The following SLC30A5 variants were observed in gnomAD, a reference collection of about 807,000 sequenced individuals.
SLC30A5 encodes the protein solute carrier family 30 member 5.
SLC30A5 carries 33 observed loss-of-function variants against 79.6 expected under a neutral mutation model. The observed-to-expected ratio is 0.41, with a 90% CI of 0.31 to 0.55. The LOEUF (loss-of-function observed/expected upper bound fraction) is 0.55, where lower values mean the gene tolerates loss of function less well. SLC30A5 is among the 20% of genes least tolerant of loss of function. SLC30A5 has a pLI of 0.20. For synonymous variants in SLC30A5, 299 were observed against 319.7 expected, an observed-to-expected ratio of 0.94 and a Z score of 0.69; for missense variants, 788 against 928.1, an observed-to-expected ratio of 0.85 and a Z score of 1.96.
intron 12 of SLC30A5, among the ~76,000 whole-genome samples, chr5:69,120,356 C>A (rs1489077117): frequency 2.6e-5 from 4 of 151,264 alleles, no homozygotes; most frequent in African/African-American, 9.7e-5. Context: ...TGCACTCCAG[C>A]CTGGTTGACA....
At chr5:69,126,374 A>G (rs959523316) in intron 14 of SLC30A5, among the ~76,000 whole-genome samples, 4 of 152,132 alleles carry the variant, frequency 2.6e-5, no homozygotes, top group Admixed American at 6.5e-5. Context: ...CTGGTCTTGA[A>G]ATCCTGAGCT....
chr5:69,104,678 C>T lies in SLC30A5; in HGVS notation c.321C>T (p.Leu107=). The change falls in exon 4 of 16, where the codon CTC becomes CTT. Residue 107 remains leucine, a synonymous_variant. Coordinates refer to ENST00000396591, the MANE Select transcript of SLC30A5 (RefSeq NM_022902.5). The part of the protein sequence containing the change: ...KHAVAGCIIS[L]LWFFGLTLCG... ...CAGTTGCTGGGTGTATTATTTCACT[C>T]TTGTGGTTTTTTGGCCTCACTCTTT... The T allele has an allele frequency of 1.9e-6, 3 of 1,586,516 alleles. No homozygotes were observed. Among genetic ancestry groups the T allele is most frequent in the Non-Finnish European group, 2.6e-6 (3 of 1,169,242 alleles).
rs774661989 is a variant in SLC30A5, at chr5:69,116,542, AAAAC to A, written c.1225_1228del (p.Gln409PhefsTer16). 2 of 1,610,848 alleles carry A rather than the reference AAAAC, an allele frequency of 1.2e-6. No homozygotes were observed. The highest frequency in any genetic ancestry group is 1.7e-6 in the Non-Finnish European group (2 of 1,179,174). On this transcript the variant is annotated frameshift_variant, in exon 10 of 16. Coordinates refer to ENST00000396591, the MANE Select transcript of SLC30A5 (RefSeq NM_022902.5). LOFTEE classifies it high-confidence loss of function. This position sits in a 1 kb window ranked among gnomAD's most constrained non-coding sequence, Gnocchi z 4.0. ...TCCCTAGGTTTATTAAGGAATCACT[AAAAC>A]AAATTCTTGAGGAGAGTGACTCTAG...
chr5:69,126,212 C>A (rs940062873), intron 14 of SLC30A5, among the ~76,000 whole-genome samples: 1 of 152,256 alleles, frequency 6.6e-6, no homozygotes, highest in South Asian at 2.1e-4. Flanking sequence ...TATTTAAGTT[C>A]TATCATCTTA....
chr5:69,099,783 A>AT (rs1745857067), intron 1 of SLC30A5, among the ~76,000 whole-genome samples: 1 of 152,182 alleles, frequency 6.6e-6, no homozygotes, highest in African/African-American at 2.4e-5. Context: ...TTTAGTTTTT[A>AT]TTTTGTTCTC....
intron 1 of SLC30A5, among the ~76,000 whole-genome samples, chr5:69,099,166 A>C (rs1272817844): frequency 1.3e-4 from 20 of 152,250 alleles, no homozygotes; most frequent in Admixed American, 1.3e-3. Context: ...ACCTGAGACA[A>C]TACACTCTTG....
chr5:69,096,827 G>A (rs1683796599), intron 1 of SLC30A5, among the ~76,000 whole-genome samples: 1 of 151,968 alleles, frequency 6.6e-6, no homozygotes, highest in South Asian at 2.1e-4. Context: ...CAGGCACAGT[G>A]GCAGTGCCTA....
At chr5:69,115,213 A>G (rs773369719) in intron 7 of SLC30A5, 24 bp from the exon 8 acceptor site, 1 of 1,549,922 alleles carries the variant, frequency 6.5e-7, no homozygotes, top group Non-Finnish European at 8.8e-7. Context: ...GTTTCTAATG[A>G]GACTTATCTA....
chr5:69,109,018 T>C (rs1008392049), intron 5 of SLC30A5, among the ~76,000 whole-genome samples: 20 of 152,090 alleles, frequency 1.3e-4, no homozygotes, highest in African/African-American at 4.8e-4. Flanking sequence ...CCTAGGAAGT[T>C]GCTAAAATAG....
chr5:69,094,664 A>G (rs1745668606), intron 1 of SLC30A5, among the ~76,000 whole-genome samples: 1 of 152,058 alleles, frequency 6.6e-6, no homozygotes. Flanking sequence ...TCTCCCTGAA[A>G]TAGTCTGGCG....
At chr5:69,113,266 G>C in intron 6 of SLC30A5, 39 bp downstream of exon 6, 1 of 1,508,912 alleles carries the variant, frequency 6.6e-7, no homozygotes, top group Non-Finnish European at 9.1e-7. Context: ...TTCAAGTCTT[G>C]AGGAAAACTA....
intron 3 of SLC30A5, 123 bp from the exon 4 acceptor site, chr5:69,104,508 A>C (rs1253426784): frequency 1.4e-6 from 2 of 1,390,172 alleles, no homozygotes; most frequent in African/African-American, 3.0e-5. Flanking sequence ...TATTTACAAA[A>C]TATGTAATGA....
intron 15 of SLC30A5, 122 bp downstream of exon 15, chr5:69,128,254 T>C: frequency 1.7e-6 from 1 of 590,496 alleles, no homozygotes; most frequent in Non-Finnish European, 2.5e-6. Context: ...CCAACTCTTT[T>C]TTTTTTTTTT....
At position 69,117,240 on chromosome 5, in the gene SLC30A5, T is replaced by A; in HGVS notation, c.1283T>A (p.Leu428His). 6.2e-7 allele frequency: 1 copy of A among 1,610,866 alleles called. No individual in the cohort carries two copies. The highest frequency in any genetic ancestry group is 1.1e-5 in the South Asian group (1 of 90,626). Reference sequence around the variant, plus strand: ...CTTTTTTTTTGGTGACATTTTTAGCTTTTTACCTTTGTGGAATTATTCTAT... The same window carrying A: ...CTTTTTTTTTGGTGACATTTTTAGCATTTTACCTTTGTGGAATTATTCTAT... ...QIFYFLCLNL[L>H]FTFVELFYGV... is the part of the protein sequence containing the mutation. The change falls in exon 11 of 16, where the codon CTT (leucine) becomes CAT (histidine). Residue 428 changes from leucine (L) to histidine (H), a missense_variant and splice_region_variant. Transcript: ENST00000396591.
In SLC30A5 at chr5:69,094,020, A is replaced by T; in HGVS notation, c.-236A>T. 2.6e-6 allele frequency: 1 copy of T among 385,906 alleles called. No homozygotes were observed. Among genetic ancestry groups the T allele is most frequent in the East Asian group, 3.7e-5 (1 of 27,324 alleles). 23.9% of individuals were successfully genotyped at this position (385,906 alleles called of 1,614,324 possible). On this transcript the variant is annotated 5_prime_UTR_variant, in exon 1 of 16. Transcript: ENST00000396591. ...GATGACGTGGCTTGGCAACGTCCCT[A>T]CCGCCGCTGCTTCCCGGGAACCTGG...
intron 14 of SLC30A5, among the ~76,000 whole-genome samples, chr5:69,126,129 CTCTT>C (rs1316133518): frequency 6.6e-6 from 1 of 151,944 alleles, no homozygotes; most frequent in Non-Finnish European, 1.5e-5. Flanking sequence ...AAAATAGACT[CTCTT>C]TCACCTCGTG....
Position 69,116,085 on chromosome 5 carries a change from C to T in SLC30A5, c.943C>T (p.Leu315Phe). ...GSFPIFISAL[L>F]FGNFWTHPIT... is the part of the protein sequence containing the mutation. ...CTTTCCCATTTTTATTAGTGCTCTC[C>T]TTTTTGGAAATTTTTGGACACATCC... The change falls in exon 9 of 16, where the codon CTT becomes TTT. Residue 315 changes from leucine to phenylalanine, a missense_variant. Leu to Phe is a conservative substitution (Grantham distance 22). Transcript: ENST00000396591. This position sits in a 1 kb window ranked among gnomAD's most constrained non-coding sequence, Gnocchi z 4.0. 1.2e-6 allele frequency: 2 copies of T among 1,614,078 alleles called. No individual in the cohort carries two copies. The highest frequency in any genetic ancestry group is 1.7e-6 in the Non-Finnish European group (2 of 1,180,008).
Position 69,116,263 on chromosome 5 carries a change from T to C in SLC30A5, c.1072+49T>C, listed in dbSNP as rs756283518. ...ATTTTAACAAATTTCTATTTATGGA[T>C]TTTGATGGTCACATCATTTACTTAT... On this transcript the variant is annotated intron_variant, in intron 9 of 15. Transcript: ENST00000396591. This position sits in a 1 kb window ranked among gnomAD's most constrained non-coding sequence, Gnocchi z 4.0. 1.3e-6 allele frequency: 2 copies of C among 1,524,984 alleles called. No individual in the cohort carries two copies. The highest frequency in any genetic ancestry group is 2.6e-5 in the South Asian group (2 of 77,596). 94.5% of individuals were successfully genotyped at this position (1,524,984 alleles called of 1,614,324 possible).
chr5:69,094,241 C>T lies in SLC30A5; in HGVS notation c.-15C>T. The T allele has an allele frequency of 8.2e-7, 1 of 1,217,214 alleles. No homozygotes were observed. Among genetic ancestry groups the T allele is most frequent in the Non-Finnish European group, 1.0e-6 (1 of 957,136 alleles). 75.4% of individuals were successfully genotyped at this position (1,217,214 alleles called of 1,614,324 possible). ...CCCGCGACAGGGGCAGCGGCGGCGGCTCGTGAGCCCCGGGATGGAGGAGAA... is the reference window on the plus strand; with the variant it reads ...CCCGCGACAGGGGCAGCGGCGGCGGTTCGTGAGCCCCGGGATGGAGGAGAA... On this transcript the variant is annotated 5_prime_UTR_variant, in exon 1 of 16. Coordinates refer to ENST00000396591, the MANE Select transcript of SLC30A5 (RefSeq NM_022902.5).
Sources: gnomAD v4.1 joint callset for allele counts (sites outside exome capture counted in the v4.1 genomes callset) on GRCh38, gnomAD v4.1.1 for gene constraint, Gnocchi (gnomAD v3.1) non-coding constraint, MANE v1.5 for transcripts, NCBI Gene and HGNC (gene_info 2026-07-23, HGNC 2026-07-21) for gene names.